The following SLAIN2 variants were observed in gnomAD, a reference collection of about 807,000 sequenced individuals.
SLAIN2 encodes the protein SLAIN family member 2.
Under a neutral mutation model 56.6 loss-of-function variants are expected in SLAIN2, and 31 were observed. The ratio of observed to expected loss-of-function variants is 0.55; its 90% CI spans 0.41 to 0.74. The LOEUF (loss-of-function observed/expected upper bound fraction) is 0.74. Among genes scored for constraint, SLAIN2 ranks in the 30% least tolerant of loss-of-function variants. The pLI is 0.00. For missense variants in SLAIN2, 777 were observed against 754.2 expected, an observed-to-expected ratio of 1.03 and a Z score of -0.35; for synonymous variants, 317 against 284.9, an observed-to-expected ratio of 1.11 and a Z score of -1.13.
At chr4:48,387,352 T>A (rs916752173) in intron 6 of SLAIN2, 6 of 151,672 alleles carry the variant, frequency 4.0e-5, no homozygotes, top group African/African-American at 1.5e-4. Flanking sequence ...TACCCTATAA[T>A]TTTTTTTCTG....
intron 1 of SLAIN2, among the ~76,000 whole-genome samples, chr4:48,350,750 T>C (rs527418010): frequency 6.6e-6 from 1 of 152,312 alleles, no homozygotes; most frequent in Admixed American, 6.5e-5. Flanking sequence ...GGCTTTAAAC[T>C]AGGTCTTTAG....
intron 1 of SLAIN2, among the ~76,000 whole-genome samples, chr4:48,344,283 A>C (rs893325969): frequency 6.6e-6 from 1 of 152,186 alleles, no homozygotes; most frequent in African/African-American, 2.4e-5. Flanking sequence ...TTAGGGTAAA[A>C]GTTGTAGGGG....
intron 4 of SLAIN2, among the ~76,000 whole-genome samples, chr4:48,380,854 T>G (rs962182385): frequency 5.3e-5 from 8 of 152,292 alleles, no homozygotes; most frequent in Admixed American, 2.6e-4. Context: ...TCTTTAAATA[T>G]GTAGTAGGCT....
At chr4:48,370,713 T>A (rs1453782815) in intron 2 of SLAIN2, among the ~76,000 whole-genome samples, 1 of 152,216 alleles carries the variant, frequency 6.6e-6, no homozygotes, top group Non-Finnish European at 1.5e-5. Context: ...AGGAAAAATA[T>A]TGTTCATTTC....
At chr4:48,359,242 G>C (rs1030312183) in intron 1 of SLAIN2, among the ~76,000 whole-genome samples, 3 of 152,136 alleles carry the variant, frequency 2.0e-5, no homozygotes, top group African/African-American at 7.2e-5. Context: ...TGAAGACAGT[G>C]TCTGTTCTTT....
intron 2 of SLAIN2, among the ~76,000 whole-genome samples, chr4:48,376,551 C>G (rs1258780393): frequency 1.4e-5 from 2 of 146,976 alleles, no homozygotes; most frequent in African/African-American, 5.0e-5. Flanking sequence ...TACTGTTGTA[C>G]TATTTATTTA....
intron 1 of SLAIN2, among the ~76,000 whole-genome samples, chr4:48,360,484 C>T (rs1715295366): frequency 1.3e-5 from 2 of 151,892 alleles, no homozygotes; most frequent in Admixed American, 6.6e-5. Flanking sequence ...TCCAGCTACT[C>T]AGGAGCCTGA....
chr4:48,406,502 A>G (rs978941643), intron 6 of SLAIN2, among the ~76,000 whole-genome samples: 6 of 148,808 alleles, frequency 4.0e-5, no homozygotes, highest in African/African-American at 1.5e-4. Context: ...AATTTTTACA[A>G]CTTTTGGTTA....
chr4:48,400,083 G>A (rs1716507999), intron 6 of SLAIN2, among the ~76,000 whole-genome samples: 1 of 152,122 alleles, frequency 6.6e-6, no homozygotes. Flanking sequence ...AATTGTACCA[G>A]CCATTCTTTG....
intron 6 of SLAIN2, among the ~76,000 whole-genome samples, chr4:48,385,724 C>T (rs1302058943): frequency 6.6e-6 from 1 of 150,836 alleles, no homozygotes; most frequent in Non-Finnish European, 1.5e-5. Flanking sequence ...GCCTCACCTT[C>T]CTGGGCTCAA....
chr4:48,388,912 A>G (rs1716165273), intron 6 of SLAIN2, among the ~76,000 whole-genome samples: 1 of 152,242 alleles, frequency 6.6e-6, no homozygotes, highest in African/African-American at 2.4e-5. Flanking sequence ...GAGAAAATGC[A>G]TATAGCATCA....
chr4:48,410,092 C>T (rs564291901), intron 6 of SLAIN2, among the ~76,000 whole-genome samples: 1 of 152,172 alleles, frequency 6.6e-6, no homozygotes, highest in Non-Finnish European at 1.5e-5. Flanking sequence ...GTTCCAGTTT[C>T]TCCATCTCCT....
At chr4:48,387,816 A>G (rs1412897856) in intron 6 of SLAIN2, among the ~76,000 whole-genome samples, 1 of 152,070 alleles carries the variant, frequency 6.6e-6, no homozygotes, top group African/African-American at 2.4e-5. Flanking sequence ...ATATGTAAGC[A>G]TTTTTTAAAT....
intron 3 of SLAIN2, among the ~76,000 whole-genome samples, chr4:48,378,572 C>T (rs1194325678): frequency 2.0e-5 from 3 of 152,124 alleles, no homozygotes; most frequent in Admixed American, 1.3e-4. Context: ...TTACTCTTCA[C>T]GAATTCACAA....
At position 48,382,821 on chromosome 4, in the gene SLAIN2, A is replaced by G. The variant is rs199709665; in HGVS notation, c.1116A>G (p.Glu372=). ...CACGATCTCCTGCTCGGGGAATAGA[A>G]TATAGTAGAGTGTCCCCACAGCCTA... ...PRSRSPARGI[E]YSRVSPQPMI... Residue 372 remains glutamate (E), a synonymous_variant, in exon 5 of 8, where the codon GAA becomes GAG. Transcript: ENST00000264313. 5.0e-6 allele frequency: 8 copies of G among 1,613,818 alleles called. 1 individual carries two copies. The East Asian group carries it at 1.1e-4, about 22-fold the overall frequency.
chr4:48,365,653 C>T (rs1305100612), intron 1 of SLAIN2, among the ~76,000 whole-genome samples: 2 of 151,868 alleles, frequency 1.3e-5, no homozygotes, highest in Non-Finnish European at 2.9e-5. Flanking sequence ...CTCCACCTCC[C>T]GGGTTCAAAC....
chr4:48,388,476 T>G (rs1716155518), intron 6 of SLAIN2, among the ~76,000 whole-genome samples: 1 of 152,200 alleles, frequency 6.6e-6, no homozygotes, highest in Non-Finnish European at 1.5e-5. Context: ...ATCTACTGAT[T>G]TAAAAAATGA....
In SLAIN2 at chr4:48,425,826, T is replaced by A. The variant is rs1315405854; in HGVS notation, c.*3749T>A. On this transcript the variant is annotated 3_prime_UTR_variant, in exon 8 of 8. Transcript: ENST00000264313. ...TTGGGTGGCTAAATGGCCCTCTGCT[T>A]ACCAGTCTGAAAATGAAACCGATTA... 9 of 152,182 alleles carry A rather than the reference T, an allele frequency of 5.9e-5. No homozygotes were observed. Among genetic ancestry groups the A allele is most frequent in the Non-Finnish European group, 4.4e-5 (3 of 68,010 alleles). 9.4% of individuals were successfully genotyped at this position (152,182 alleles called of 1,614,324 possible).
intron 6 of SLAIN2, among the ~76,000 whole-genome samples, chr4:48,395,330 T>C (rs1199682236): frequency 2.0e-5 from 3 of 152,082 alleles, no homozygotes; most frequent in African/African-American, 7.2e-5. Flanking sequence ...GTATTTTTCC[T>C]ATCCAGAACA....
Sources: gnomAD v4.1 joint callset for allele counts (sites outside exome capture counted in the v4.1 genomes callset) on GRCh38, gnomAD v4.1.1 for gene constraint, MANE v1.5 for transcripts, NCBI Gene and HGNC (gene_info 2026-07-23, HGNC 2026-07-21) for gene names.